Variants in NEIL3 observed in about 807,000 individuals in gnomAD.
The protein encoded by NEIL3 is endonuclease 8-like 3.
A neutral mutation model predicts 57.5 loss-of-function variants in NEIL3; 48 were observed. The observed-to-expected ratio is 0.83, with a 90% CI of 0.66 to 1.06. The LOEUF is 1.06. Among genes scored for constraint, NEIL3 ranks in the 50% least tolerant of loss-of-function variants. NEIL3 has a pLI of 0.00. For synonymous variants in NEIL3, 261 were observed against 253.2 expected (o/e 1.03, Z -0.29); for missense variants, 717 against 739.1 (o/e 0.97, Z 0.35).
intron 1 of NEIL3, among the ~76,000 whole-genome samples, chr4:177,313,548 A>T (rs1387688147): frequency 6.6e-6 from 1 of 152,234 alleles, no homozygotes; most frequent in African/African-American, 2.4e-5. Flanking sequence ...TTGGAATATA[A>T]ATGAACATAT....
Position 177,341,500 on chromosome 4 carries a change from T to C in NEIL3, c.727T>C (p.Ser243Pro). The C allele has an allele frequency of 1.2e-6, 2 of 1,608,556 alleles. No individual in the cohort carries two copies. Among genetic ancestry groups the C allele is most frequent in the Non-Finnish European group, 1.7e-6 (2 of 1,177,790 alleles). The change falls in exon 6 of 10, where the codon TCT becomes CCT. Residue 243 changes from serine (S) to proline (P), a missense_variant. By Grantham distance (74) the Ser-to-Pro change is moderately conservative (BLOSUM62 -1). Transcript: ENST00000264596. ...YRCRKAGLAL[S>P]KHYKVYKRPN... ...GTGCCGTAAAGCAGGACTTGCTCTC[T>C]CTAAACACTATAAGGTTTACAAGCG...
intron 4 of NEIL3, among the ~76,000 whole-genome samples, chr4:177,338,290 T>C (rs1735017775): frequency 6.6e-6 from 1 of 152,190 alleles, no homozygotes; most frequent in Non-Finnish European, 1.5e-5. Context: ...TCTTTGTACA[T>C]GTATGTGTCT....
intron 6 of NEIL3, among the ~76,000 whole-genome samples, chr4:177,346,487 C>A (rs1359375968): frequency 1.3e-5 from 2 of 152,158 alleles, no homozygotes; most frequent in African/African-American, 4.8e-5. Flanking sequence ...GAATTTAATT[C>A]TCTCCATCAC....
At chr4:177,345,464 C>CTTTT (rs11368079) in intron 6 of NEIL3, among the ~76,000 whole-genome samples, 1 of 139,352 alleles carries the variant, frequency 7.2e-6, no homozygotes, top group African/African-American at 2.7e-5. Context: ...CAAACCAACT[C>CTTTT]TTTTTTTTTT....
At chr4:177,346,153 C>T (rs72702966) in intron 6 of NEIL3, among the ~76,000 whole-genome samples, 18,473 of 152,112 alleles carry the variant, frequency 0.12, 1,493 homozygotes, top group Admixed American at 0.26. Context: ...CTTCAAGCCT[C>T]ACCCTCTCTA....
intron 9 of NEIL3, among the ~76,000 whole-genome samples, chr4:177,361,632 T>C (rs1196308798): frequency 1.3e-5 from 2 of 152,180 alleles, no homozygotes; most frequent in Non-Finnish European, 2.9e-5. Context: ...GCTAAAAATA[T>C]AATAGCCTTT....
Position 177,335,748 on chromosome 4 carries a change from T to G in NEIL3, c.339T>G (p.Asn113Lys). ...ATCCACTTGAGTATAAATATAAAAA[T>G]GGAGCTTCTCCTGTTTTGGAAGTGC... ...MINPLEYKYK[N>K]GASPVLEVQL... The change falls in exon 3 of 10, where the codon AAT (asparagine) becomes AAG (lysine). Residue 113 changes from asparagine to lysine, a missense_variant. Transcript: ENST00000264596. The G allele has an allele frequency of 6.3e-7, 1 of 1,598,224 alleles. No homozygotes were observed.
Position 177,353,325 on chromosome 4 carries a change from G to C in NEIL3, c.1057G>C (p.Glu353Gln), listed in dbSNP as rs747977370. Residue 353 changes from glutamate (E) to glutamine (Q), a missense_variant, in exon 8 of 10, where the codon GAA becomes CAA. Glu to Gln is a conservative substitution (Grantham distance 29, BLOSUM62 2). Coordinates refer to ENST00000264596, the MANE Select transcript of NEIL3 (RefSeq NM_018248.3). ...SRPIDSVLKS[E>Q]ENSTVFSHLM... ...CCTTCCAGATTCAGTGCTCAAGAGTGAAGAAAATTCTACTGTCTTTAGCCA... is the reference window on the plus strand; with the variant it reads ...CCTTCCAGATTCAGTGCTCAAGAGTCAAGAAAATTCTACTGTCTTTAGCCA... 1 of 1,612,568 alleles carries C rather than the reference G, an allele frequency of 6.2e-7. No homozygotes were observed. Among genetic ancestry groups the C allele is most frequent in the South Asian group, 1.1e-5 (1 of 90,642 alleles).
intron 8 of NEIL3, 71 bp from the exon 9 acceptor site, chr4:177,360,432 T>G (rs1735583559): frequency 9.3e-7 from 1 of 1,075,420 alleles, no homozygotes; most frequent in South Asian, 2.4e-5. Flanking sequence ...TTCTGACATG[T>G]GGGGGTAAAG....
chr4:177,353,277 C>G, intron 7 of NEIL3, 31 bp from the exon 8 acceptor site: 1 of 1,549,482 alleles, frequency 6.5e-7, no homozygotes. Context: ...ATTTATGGGA[C>G]TATTGCAGAA....
chr4:177,310,110 G>C lies in NEIL3; in HGVS notation c.156+1G>C. 6.4e-7 allele frequency: 1 copy of C among 1,573,468 alleles called. No individual in the cohort carries two copies. Among genetic ancestry groups the C allele is most frequent in the Non-Finnish European group, 8.6e-7 (1 of 1,163,814 alleles). Reference sequence around the variant, plus strand: ...CTCCACGGTTGTGGTCTCCCCGCAGGTGAGCTACTCCTGTAACAGGCCATG... The same window carrying C: ...CTCCACGGTTGTGGTCTCCCCGCAGCTGAGCTACTCCTGTAACAGGCCATG... On this transcript the variant is annotated splice_donor_variant, in intron 1 of 9. Transcript: ENST00000264596. LOFTEE classifies it high-confidence loss of function.
At chr4:177,362,209 T>G in intron 9 of NEIL3, 80 bp from the exon 10 acceptor site, 1 of 1,044,162 alleles carries the variant, frequency 9.6e-7, no homozygotes, top group Non-Finnish European at 1.4e-6. Flanking sequence ...TATATGGCAC[T>G]AATCACATGT....
In NEIL3 at chr4:177,336,096, TC is replaced by T; in HGVS notation, c.414-10del. On this transcript the variant is annotated splice_polypyrimidine_tract_variant and intron_variant, in intron 3 of 9. Transcript: ENST00000264596. The stretch of plus-strand genomic sequence containing the variant: ...GACTTATGATTAATGTGTTTTATAT[TC>T]CTTTCTATAGAAACTCAATGGAAAG... 6.3e-7 allele frequency: 1 copy of T among 1,581,432 alleles called. No individual in the cohort carries two copies. The highest frequency in any genetic ancestry group is 1.3e-5 in the African/African-American group (1 of 74,158).
intron 6 of NEIL3, among the ~76,000 whole-genome samples, chr4:177,348,482 A>G (rs1414150500): frequency 6.6e-6 from 1 of 152,036 alleles, no homozygotes; most frequent in African/African-American, 2.4e-5. Flanking sequence ...CTGCTCCTTG[A>G]GGTCACCAGG....
chr4:177,363,978 T>C (rs902387337), downstream of NEIL3, among the ~76,000 whole-genome samples: 3 of 152,104 alleles, frequency 2.0e-5, no homozygotes, highest in African/African-American at 7.2e-5. Flanking sequence ...TCTTCTGGGC[T>C]CAAGAGATCC....
intron 6 of NEIL3, among the ~76,000 whole-genome samples, chr4:177,349,029 G>T (rs1166426415): frequency 2.6e-5 from 3 of 116,326 alleles, no homozygotes; most frequent in African/African-American, 9.9e-5. Context: ...CACCACACCT[G>T]GCTAATTTTT....
intron 1 of NEIL3, among the ~76,000 whole-genome samples, chr4:177,314,129 A>G (rs1161401929): frequency 6.6e-6 from 1 of 152,206 alleles, no homozygotes; most frequent in African/African-American, 2.4e-5. Context: ...AATTTAGAGA[A>G]CATGCATTAT....
Position 177,322,447 on chromosome 4 carries a change from A to G in NEIL3, c.157-12A>G, listed in dbSNP as rs777310472. 21 of 1,613,626 alleles carry G rather than the reference A, an allele frequency of 1.3e-5. No individual in the cohort carries two copies. The South Asian group carries it at 2.1e-4, about 16-fold the overall frequency. On this transcript the variant is annotated splice_polypyrimidine_tract_variant and intron_variant, in intron 1 of 9. Coordinates refer to ENST00000264596, the MANE Select transcript of NEIL3 (RefSeq NM_018248.3). ...TGTGTGTGCTTATGTGTGTACATGT[A>G]TTTTCCACTAGGCTGCTGCACTGAA... is the stretch of plus-strand genomic sequence containing the variant.
intron 6 of NEIL3, among the ~76,000 whole-genome samples, chr4:177,344,185 A>G (rs897027363): frequency 6.6e-6 from 1 of 152,120 alleles, no homozygotes; most frequent in African/African-American, 2.4e-5. Flanking sequence ...TGTTTTCTAC[A>G]CTGGCAGTCA....
Sources: gnomAD v4.1 joint callset for allele counts (sites outside exome capture counted in the v4.1 genomes callset) on GRCh38, gnomAD v4.1.1 for gene constraint, MANE v1.5 for transcripts, NCBI Gene and HGNC (gene_info 2026-07-23, HGNC 2026-07-21) for gene names.